Variants in EXT2 observed in about 807,000 individuals in gnomAD.
The protein encoded by EXT2 is exostosin-2.
A neutral mutation model predicts 81.6 loss-of-function variants in EXT2; 53 were observed. The ratio of observed to expected loss-of-function variants is 0.65; its 90% CI spans 0.52 to 0.82. The LOEUF (loss-of-function observed/expected upper bound fraction) is 0.82, where lower values mean the gene tolerates loss of function less well. Ranked by LOEUF, EXT2 falls within the 40% of genes least tolerant of loss-of-function variation. The pLI is 0.00. For synonymous variants in EXT2, 320 were observed against 340.0 expected (o/e 0.94, Z 0.65); for missense variants, 774 against 910.2 (o/e 0.85, Z 1.93).
At chr11:44,184,136 T>C (rs1410869411) in intron 8 of EXT2, among the ~76,000 whole-genome samples, 6 of 152,336 alleles carry the variant, frequency 3.9e-5, no homozygotes, top group Non-Finnish European at 7.3e-5. Context: ...AGATAATTCA[T>C]TGAAACCCCA....
chr11:44,242,512 A>T (rs1406432084), intron 13 of EXT2, among the ~76,000 whole-genome samples: 2 of 152,212 alleles, frequency 1.3e-5, no homozygotes, highest in Non-Finnish European at 2.9e-5. Flanking sequence ...TTGCCAGCTC[A>T]AACCTGAGTT....
At chr11:44,176,967 G>A (rs1252212180) in intron 8 of EXT2, among the ~76,000 whole-genome samples, 1 of 150,026 alleles carries the variant, frequency 6.7e-6, no homozygotes, top group African/African-American at 2.4e-5. Context: ...GATTATGACA[G>A]TGAGAGGTGG....
At position 44,246,015 on chromosome 11, in the gene EXT2, G is replaced by T. The variant is rs1207494021; in HGVS notation, c.*1728G>T. On this transcript the variant is annotated 3_prime_UTR_variant, in exon 14 of 14. Transcript: ENST00000533608. The stretch of plus-strand genomic sequence containing the variant: ...TGCTTACCAAATACTTTTGATTTGG[G>T]TAATGTGTACTGGTCAGTAGGAGAC... 6.6e-6 allele frequency among the ~76,000 whole-genome samples: 1 copy of T among 152,206 alleles called. No individual in the cohort carries two copies. The highest frequency in any genetic ancestry group is 2.4e-5 in the African/African-American group (1 of 41,456).
intron 9 of EXT2, among the ~76,000 whole-genome samples, chr11:44,206,043 T>G (rs1490159902): frequency 6.6e-6 from 1 of 151,232 alleles, no homozygotes; most frequent in Non-Finnish European, 1.5e-5. Context: ...GTTTCTTCAG[T>G]ATACTAGAAA....
At chr11:44,098,153 C>T (rs908007320) in intron 1 of EXT2, among the ~76,000 whole-genome samples, 2 of 151,834 alleles carry the variant, frequency 1.3e-5, no homozygotes, top group African/African-American at 4.8e-5. Context: ...TGTCATCTTC[C>T]GGGGATTTTA....
chr11:44,114,095 A>G, intron 3 of EXT2, 90 bp from the exon 4 acceptor site: 1 of 1,157,456 alleles, frequency 8.6e-7, no homozygotes. Flanking sequence ...TTTTGATAAT[A>G]AAGACTCAGT....
intron 1 of EXT2, among the ~76,000 whole-genome samples, chr11:44,100,358 C>G (rs1373212750): frequency 1.3e-5 from 2 of 152,166 alleles, no homozygotes; most frequent in African/African-American, 4.8e-5. Context: ...CAACAAGGAC[C>G]TCTTTGCTAG....
rs1215241076 is a variant in EXT2 at position 44,119,163 on chromosome 11, T to C, written c.743+4862T>C. ...ATATATATATATATATATATATATA[T>C]ATATATACACATACACACACACACA... On this transcript the variant is annotated intron_variant, in intron 4 of 13. Coordinates refer to ENST00000533608, the MANE Select transcript of EXT2 (RefSeq NM_207122.2). 6.2e-3 allele frequency among the ~76,000 whole-genome samples: 299 copies of C among 48,086 alleles called. 9 individuals carry two copies. The highest frequency in any genetic ancestry group is 0.015 in the African/African-American group (252 of 16,682). The allele number at this position is 48,086 out of a possible 152,430, so 31.5% of individuals were successfully genotyped here. A position where few individuals can be genotyped will look rare whatever the true frequency, so the allele number is the denominator to read the frequency against.
At chr11:44,221,776 C>G (rs1955784464) in intron 10 of EXT2, among the ~76,000 whole-genome samples, 1 of 152,210 alleles carries the variant, frequency 6.6e-6, no homozygotes, top group Non-Finnish European at 1.5e-5. Context: ...GAGGAAAGCT[C>G]TATCATTTCT....
At chr11:44,127,320 G>A (rs1395229161) in intron 6 of EXT2, among the ~76,000 whole-genome samples, 1 of 152,134 alleles carries the variant, frequency 6.6e-6, no homozygotes, top group African/African-American at 2.4e-5. Flanking sequence ...CAACTCCCGG[G>A]CTGTGGCCTG....
At chr11:44,153,815 A>C (rs1037500623) in intron 7 of EXT2, among the ~76,000 whole-genome samples, 1 of 152,022 alleles carries the variant, frequency 6.6e-6, no homozygotes, top group Admixed American at 6.6e-5. Context: ...GGATTACATT[A>C]ATTGATCTGT....
At chr11:44,181,490 T>A (rs945199148) in intron 8 of EXT2, among the ~76,000 whole-genome samples, 20 of 152,210 alleles carry the variant, frequency 1.3e-4, no homozygotes, top group African/African-American at 4.8e-4. Context: ...GGACGTCTGT[T>A]ACATAGATGA....
intron 9 of EXT2, 137 bp from the exon 10 acceptor site, chr11:44,206,654 GAC>G (rs1405615672): frequency 1.2e-5 from 10 of 820,932 alleles, no homozygotes; most frequent in Middle Eastern, 3.3e-4. Flanking sequence ...AATCTCCCCT[GAC>G]ACAGTTCTAC....
Position 44,248,812 on chromosome 11 carries a change from A to G in EXT2, c.*4525A>G, listed in dbSNP as rs1323255301. 6.6e-6 allele frequency among the ~76,000 whole-genome samples: 1 copy of G among 152,068 alleles called. No homozygotes were observed. Among genetic ancestry groups the G allele is most frequent in the Non-Finnish European group, 1.5e-5 (1 of 68,006 alleles). ...GTGTCATTCTTTCAATTTCCGGCTC[A>G]CCATTGCTGGCAACAGTGGGAAGAT... is the stretch of plus-strand genomic sequence containing the variant. On this transcript the variant is annotated 3_prime_UTR_variant, in exon 14 of 14. Coordinates refer to ENST00000533608, the MANE Select transcript of EXT2 (RefSeq NM_207122.2).
At chr11:44,103,552 G>C (rs545039824) in intron 1 of EXT2, 77 of 364,634 alleles carry the variant, frequency 2.1e-4, no homozygotes, top group Middle Eastern at 7.9e-4. Flanking sequence ...GCTTTGAAGT[G>C]TTTCCTCTTT....
chr11:44,159,196 T>C (rs1176058016), intron 7 of EXT2, among the ~76,000 whole-genome samples: 1 of 151,940 alleles, frequency 6.6e-6, no homozygotes, highest in Non-Finnish European at 1.5e-5. Flanking sequence ...TATCTTGATA[T>C]TATTTTGGTA....
chr11:44,115,518 C>G (rs1030252796), intron 4 of EXT2, among the ~76,000 whole-genome samples: 1 of 152,062 alleles, frequency 6.6e-6, no homozygotes, highest in African/African-American at 2.4e-5. Flanking sequence ...TGGTGAGAAT[C>G]TCAGTGAGCT....
At chr11:44,120,401 G>A (rs1462141410) in intron 4 of EXT2, among the ~76,000 whole-genome samples, 1 of 152,226 alleles carries the variant, frequency 6.6e-6, no homozygotes, top group Non-Finnish European at 1.5e-5. Context: ...CTGCAACCTG[G>A]CTTGGGCCCA....
Position 44,108,159 on chromosome 11 carries a change from G to C in EXT2, c.447G>C (p.Arg149=). Residue 149 remains arginine, a synonymous_variant, in exon 2 of 14, where the codon CGG becomes CGC. Coordinates refer to ENST00000533608, the MANE Select transcript of EXT2 (RefSeq NM_207122.2). ...ACTACTACACTGATGACATCAACCG[G>C]GCCTGTCTGTTTGTTCCCTCCATCG... The part of the protein sequence containing the change: ...DSDYYTDDIN[R]ACLFVPSIDV... The C allele has an allele frequency of 1.9e-6, 3 of 1,614,014 alleles. No individual in the cohort carries two copies.
Sources: gnomAD v4.1 joint callset for allele counts (sites outside exome capture counted in the v4.1 genomes callset) on GRCh38, gnomAD v4.1.1 for gene constraint, MANE v1.5 for transcripts, NCBI Gene and HGNC (gene_info 2026-07-23, HGNC 2026-07-21) for gene names.